The following PPA1 variants were observed in gnomAD, a reference collection of about 807,000 sequenced individuals.
PPA1 encodes inorganic pyrophosphatase 1.
In PPA1, 23 loss-of-function variants were observed where a neutral mutation model predicts 41.8. That is an observed-to-expected ratio of 0.55 (90% CI 0.40 to 0.78). The LOEUF is 0.78. Ranked by LOEUF, PPA1 falls within the 30% of genes least tolerant of loss-of-function variation. The pLI is 0.00. For missense variants in PPA1, 320 were observed against 361.6 expected (o/e 0.89, Z 0.93); for synonymous variants, 101 against 116.8 (o/e 0.86, Z 0.87).
chr10:70,217,032 T>C (rs1840088699), intron 4 of PPA1, among the ~76,000 whole-genome samples: 1 of 152,092 alleles, frequency 6.6e-6, no homozygotes, highest in African/African-American at 2.4e-5. Flanking sequence ...GGTGGACACC[T>C]GTAGTCCCAG....
At chr10:70,229,044 T>C (rs1388533907) in intron 2 of PPA1, among the ~76,000 whole-genome samples, 3 of 152,170 alleles carry the variant, frequency 2.0e-5, no homozygotes, top group African/African-American at 7.2e-5. Flanking sequence ...ACTTCCTTAC[T>C]GAAGGAAAAA....
chr10:70,214,028 C>A (rs117033389), intron 5 of PPA1, among the ~76,000 whole-genome samples: 1 of 152,122 alleles, frequency 6.6e-6, no homozygotes, highest in South Asian at 2.1e-4. Context: ...TATTTCTCTG[C>A]ACCTGAGAGA....
chr10:70,228,986 C>G (rs554650623), intron 2 of PPA1, among the ~76,000 whole-genome samples: 1 of 152,224 alleles, frequency 6.6e-6, no homozygotes, highest in Admixed American at 6.5e-5. Context: ...AGTCAATAAC[C>G]TATGTAACTC....
intron 2 of PPA1, among the ~76,000 whole-genome samples, chr10:70,227,519 T>C (rs1052159851): frequency 1.3e-5 from 2 of 151,786 alleles, no homozygotes; most frequent in African/African-American, 4.8e-5. Flanking sequence ...GGCGTGGTGG[T>C]GTATGCCTGT....
rs1340908663 is a variant in PPA1 at position 70,222,510 on chromosome 10, C to A, written c.124-3693G>T. The stretch of plus-strand genomic sequence containing the variant: ...ACTAGCAATGAACAAAATAAAAGTT[C>A]TTTTAACTCCCAAAGAGTTGGATTT... On this transcript the variant is annotated intron_variant, in intron 2 of 10. Coordinates refer to ENST00000373232, the MANE Select transcript of PPA1 (RefSeq NM_021129.4). Among the ~76,000 whole-genome samples, 2 of 151,988 alleles carry A rather than the reference C, an allele frequency of 1.3e-5. 1 individual carries two copies.
intron 9 of PPA1, chr10:70,205,968 G>C (rs561380849): frequency 3.5e-6 from 1 of 286,564 alleles, no homozygotes; most frequent in South Asian, 7.6e-5. Context: ...AATGGCTTAT[G>C]ATGGGTCATA....
chr10:70,228,788 T>C (rs958037598), intron 2 of PPA1, among the ~76,000 whole-genome samples: 1 of 152,192 alleles, frequency 6.6e-6, no homozygotes, highest in African/African-American at 2.4e-5. Flanking sequence ...AATGTAAAAA[T>C]TGGAATTTCA....
intron 8 of PPA1, 98 bp downstream of exon 8, chr10:70,209,107 C>A (rs1287382129): frequency 3.6e-6 from 3 of 840,552 alleles, no homozygotes; most frequent in Non-Finnish European, 5.3e-6. Flanking sequence ...TATCTCTTTT[C>A]TAAGTGAAAG....
intron 2 of PPA1, among the ~76,000 whole-genome samples, chr10:70,228,204 A>C (rs1461661741): frequency 6.6e-6 from 1 of 152,198 alleles, no homozygotes; most frequent in Non-Finnish European, 1.5e-5. Context: ...AGACACAACC[A>C]GTCCCTTATA....
rs370903723 is a variant in PPA1, at chr10:70,204,869, T to C, written c.838+4A>G. 2 of 1,583,436 alleles carry C rather than the reference T, an allele frequency of 1.3e-6. No individual in the cohort carries two copies. Among genetic ancestry groups the C allele is most frequent in the African/African-American group, 1.4e-5 (1 of 73,924 alleles). On this transcript the variant is annotated splice_donor_region_variant and intron_variant, in intron 10 of 10. Coordinates refer to ENST00000373232, the MANE Select transcript of PPA1 (RefSeq NM_021129.4). Reference sequence around the variant, plus strand: ...ATGAAATTTTACTGGAATAGAAATCTTACCGTCTGTTGGTACTGTGCAGGC... The same window carrying C: ...ATGAAATTTTACTGGAATAGAAATCCTACCGTCTGTTGGTACTGTGCAGGC...
chr10:70,217,994 C>G, intron 3 of PPA1, 63 bp from the exon 4 acceptor site: 12 of 1,364,230 alleles, frequency 8.8e-6, no homozygotes, highest in Non-Finnish European at 8.9e-6. Flanking sequence ...AAATAAGGAT[C>G]TGAGGAAATG....
chr10:70,220,422 G>A (rs1189954276), intron 2 of PPA1, among the ~76,000 whole-genome samples: 1 of 134,754 alleles, frequency 7.4e-6, no homozygotes, highest in African/African-American at 2.8e-5. Context: ...CCAGCTAATT[G>A]TGTGTGTGTG....
intron 1 of PPA1, among the ~76,000 whole-genome samples, chr10:70,232,288 T>TA (rs1245410014): frequency 6.6e-6 from 1 of 152,098 alleles, no homozygotes; most frequent in East Asian, 1.9e-4. Context: ...TCCTTCCAAA[T>TA]AAAACTGTAA....
intron 2 of PPA1, among the ~76,000 whole-genome samples, chr10:70,224,974 G>T (rs541164778): frequency 6.6e-6 from 1 of 152,084 alleles, no homozygotes; most frequent in Non-Finnish European, 1.5e-5. Flanking sequence ...CAGGTGATCC[G>T]CCCACCTTGG....
chr10:70,222,335 CAAAAAAAAAA>C (rs67974203), intron 2 of PPA1, among the ~76,000 whole-genome samples: 15 of 73,160 alleles, frequency 2.1e-4, no homozygotes, highest in African/African-American at 8.9e-4. Flanking sequence ...GACTCCGTCT[CAAAAAAAAAA>C]AAAAAAAAAA....
At chr10:70,229,083 T>C (rs757194739) in intron 2 of PPA1, among the ~76,000 whole-genome samples, 2 of 152,210 alleles carry the variant, frequency 1.3e-5, no homozygotes, top group Non-Finnish European at 2.9e-5. Context: ...GAATAAGATA[T>C]TTGTCCTTGT....
chr10:70,218,790 G>A lies in PPA1; in HGVS notation c.151C>T (p.Pro51Ser). Residue 51 changes from proline (P) to serine (S), a missense_variant, in exon 3 of 11, where the codon CCA becomes TCA. Pro to Ser is a moderately conservative substitution (Grantham distance 74). Coordinates refer to ENST00000373232, the MANE Select transcript of PPA1 (RefSeq NM_021129.4). ...TCCATTTTTGCATTAGACCAGCGTG[G>A]TACTTCAACTACCATGTGAAACACA... is the stretch of plus-strand genomic sequence containing the variant. The part of the protein sequence containing the change: ...KDVFHMVVEV[P>S]RWSNAKMEIA... 6.2e-7 allele frequency: 1 copy of A among 1,612,456 alleles called. No individual in the cohort carries two copies. Among genetic ancestry groups the A allele is most frequent in the Non-Finnish European group, 8.5e-7 (1 of 1,178,778 alleles).
At chr10:70,204,684 T>C in intron 10 of PPA1, 189 bp downstream of exon 10, 2 of 501,162 alleles carry the variant, frequency 4.0e-6, no homozygotes, top group Non-Finnish European at 7.1e-6. Context: ...CAAATAATGA[T>C]TAAGTATGTG....
At chr10:70,230,090 G>A (rs1441539982) in intron 2 of PPA1, among the ~76,000 whole-genome samples, 1 of 152,058 alleles carries the variant, frequency 6.6e-6, no homozygotes, top group Non-Finnish European at 1.5e-5. Flanking sequence ...TGTATTTTTT[G>A]TAGAGACAGG....
Sources: gnomAD v4.1 joint callset for allele counts (sites outside exome capture counted in the v4.1 genomes callset) on GRCh38, gnomAD v4.1.1 for gene constraint, MANE v1.5 for transcripts, NCBI Gene and HGNC (gene_info 2026-07-23, HGNC 2026-07-21) for gene names.